TSNAX: variants seen among roughly 807,000 people sequenced by gnomAD.
TSNAX encodes translin-associated protein X.
Under a neutral mutation model 33.0 loss-of-function variants are expected in TSNAX, and 12 were observed. The observed-to-expected ratio is 0.36, with a 90% CI of 0.23 to 0.59. TSNAX has a LOEUF of 0.59. TSNAX is among the 20% of genes least tolerant of loss of function. The pLI is 0.74. For missense variants in TSNAX, 267 were observed against 341.3 expected (o/e 0.78, Z 1.72); for synonymous variants, 110 against 117.2 (o/e 0.94, Z 0.40).
At chr1:231,532,175 C>CAT (rs1375732763) in intron 2 of TSNAX, among the ~76,000 whole-genome samples, 3 of 93,360 alleles carry the variant, frequency 3.2e-5, no homozygotes, top group African/African-American at 1.1e-4. Flanking sequence ...CACACACACA[C>CAT]ACACACACAC....
intron 4 of TSNAX, among the ~76,000 whole-genome samples, chr1:231,558,015 C>T (rs756647451): frequency 4.6e-5 from 7 of 152,088 alleles, no homozygotes; most frequent in Non-Finnish European, 1.0e-4. Flanking sequence ...ACCCCTAGGG[C>T]GGAGGCAGAG....
intron 3 of TSNAX, among the ~76,000 whole-genome samples, chr1:231,541,548 A>G (rs4614245): frequency 6.6e-6 from 1 of 152,118 alleles, no homozygotes; most frequent in Non-Finnish European, 1.5e-5. Context: ...TGTTTCCACA[A>G]TATGTTATGA....
Position 231,544,149 on chromosome 1 carries a change from G to A in TSNAX, c.367+1538G>A, listed in dbSNP as rs561128947. ...ATCTTGAGGGCTACTGGGTGGTAGT[G>A]TTGGTGGTGGTGGGGGACCAAGTTA... On this transcript the variant is annotated intron_variant, in intron 4 of 5. Transcript: ENST00000366639. Among the ~76,000 whole-genome samples the A allele has an allele frequency of 8.5e-5, 13 of 152,316 alleles. No individual in the cohort carries two copies. In the East Asian group the frequency reaches 2.5e-3, roughly 29 times the overall value.
chr1:231,529,788 C>T (rs1001041130), intron 2 of TSNAX, among the ~76,000 whole-genome samples: 3 of 152,202 alleles, frequency 2.0e-5, no homozygotes, highest in Non-Finnish European at 4.4e-5. Flanking sequence ...GTGAATCTCG[C>T]ATATCTATAT....
intron 4 of TSNAX, among the ~76,000 whole-genome samples, chr1:231,552,033 C>G (rs975726134): frequency 1.3e-5 from 2 of 151,888 alleles, no homozygotes; most frequent in Non-Finnish European, 2.9e-5. Flanking sequence ...CGGTGGCTTA[C>G]GCCTGTAATC....
intron 2 of TSNAX, among the ~76,000 whole-genome samples, chr1:231,531,354 ATATT>A (rs1336733200): frequency 3.3e-5 from 5 of 152,188 alleles, no homozygotes; most frequent in Non-Finnish European, 1.5e-5. Context: ...CCAACATGAA[ATATT>A]TATTGAGTAT....
chr1:231,552,050 C>T (rs1660339017), intron 4 of TSNAX, among the ~76,000 whole-genome samples: 1 of 152,102 alleles, frequency 6.6e-6, no homozygotes, highest in Admixed American at 6.6e-5. Context: ...AATCTCAGCA[C>T]TTTGGGAGGC....
In TSNAX at chr1:231,532,556, A is replaced by G. The variant is rs185453072; in HGVS notation, c.121+3197A>G. ...GGAAAAGCAGGAAGACAACAGGGAAAAAAATTTTAATAAACTTGAAAAAAA... is the reference window on the plus strand; with the variant it reads ...GGAAAAGCAGGAAGACAACAGGGAAGAAAATTTTAATAAACTTGAAAAAAA... On this transcript the variant is annotated intron_variant, in intron 2 of 5. Transcript: ENST00000366639. Among the ~76,000 whole-genome samples the G allele has an allele frequency of 1.1e-4, 16 of 152,250 alleles. No individual in the cohort carries two copies. The East Asian group carries it at 2.9e-3, about 28-fold the overall frequency.
chr1:231,559,856 A>G (rs1201863271), intron 4 of TSNAX, among the ~76,000 whole-genome samples: 1 of 151,688 alleles, frequency 6.6e-6, no homozygotes, highest in Non-Finnish European at 1.5e-5. Context: ...GAAAGGAGTT[A>G]TCTAGTCTTA....
chr1:231,547,841 CTTTTTTTTTTT>C (rs35520639), intron 4 of TSNAX, among the ~76,000 whole-genome samples: 1 of 123,914 alleles, frequency 8.1e-6, no homozygotes, highest in Non-Finnish European at 1.7e-5. Context: ...CCATTGCTTT[CTTTTTTTTTTT>C]TTTTTTTTGA....
chr1:231,562,939 C>T (rs753115683), intron 5 of TSNAX, among the ~76,000 whole-genome samples: 2 of 152,106 alleles, frequency 1.3e-5, no homozygotes, highest in Non-Finnish European at 2.9e-5. Flanking sequence ...CATAGCTCAA[C>T]GTCATATTAC....
At position 231,549,455 on chromosome 1, in the gene TSNAX, T is replaced by A. The variant is rs187439459; in HGVS notation, c.367+6844T>A. Reference sequence around the variant, plus strand: ...CCAAAAATAAAAATAAAAGAATGAATGTGAGTGTAATGGGGATGGGAACTT... The same window carrying A: ...CCAAAAATAAAAATAAAAGAATGAAAGTGAGTGTAATGGGGATGGGAACTT... On this transcript the variant is annotated intron_variant, in intron 4 of 5. Transcript: ENST00000366639. Among the ~76,000 whole-genome samples, 393 of 152,146 alleles carry A rather than the reference T, an allele frequency of 2.6e-3. 2 individuals carry two copies. Among genetic ancestry groups the A allele is most frequent in the Middle Eastern group, 3.4e-3 (1 of 294 alleles).
At chr1:231,553,263 C>T (rs897589100) in intron 4 of TSNAX, among the ~76,000 whole-genome samples, 1 of 152,102 alleles carries the variant, frequency 6.6e-6, no homozygotes, top group Non-Finnish European at 1.5e-5. Context: ...GAGATTTGGA[C>T]TGGATGTATA....
In TSNAX at chr1:231,549,670, C is replaced by T. The variant is rs942173005; in HGVS notation, c.367+7059C>T. Among the ~76,000 whole-genome samples, 10 of 152,294 alleles carry T rather than the reference C, an allele frequency of 6.6e-5. No homozygotes were observed. In the South Asian group the frequency reaches 2.1e-3, roughly 32 times the overall value. On this transcript the variant is annotated intron_variant, in intron 4 of 5. Transcript: ENST00000366639. The stretch of plus-strand genomic sequence containing the variant: ...GTAGGAAAAGATAAGCAGCCTGCTG[C>T]ATTATTGTGGCCATGTTTGTTGTTA...
intron 2 of TSNAX, among the ~76,000 whole-genome samples, chr1:231,533,645 AGACTT>A (rs2124880748): frequency 6.6e-6 from 1 of 152,364 alleles, no homozygotes; most frequent in East Asian, 1.9e-4. Context: ...AAAAACTAGA[AGACTT>A]AATGCAGTTG....
At chr1:231,561,025 GC>G in intron 4 of TSNAX, 102 bp from the exon 5 acceptor site, 2 of 1,179,988 alleles carry the variant, frequency 1.7e-6, no homozygotes, top group Non-Finnish European at 2.4e-6. Flanking sequence ...CATCCATTAA[GC>G]TTTTTTTTGA....
At position 231,559,618 on chromosome 1, in the gene TSNAX, G is replaced by A. The variant is rs958334704; in HGVS notation, c.368-1510G>A. On this transcript the variant is annotated intron_variant, in intron 4 of 5. Transcript: ENST00000366639. Reference sequence around the variant, plus strand: ...GCTGGGATTACAGGTGTGAGCCACCGGCGCCCGGCCAGAAAGTAGTTGTTT... The same window carrying A: ...GCTGGGATTACAGGTGTGAGCCACCAGCGCCCGGCCAGAAAGTAGTTGTTT... 3.9e-5 allele frequency among the ~76,000 whole-genome samples: 6 copies of A among 152,122 alleles called. 1 individual carries two copies. Among genetic ancestry groups the A allele is most frequent in the African/African-American group, 1.4e-4 (6 of 41,416 alleles).
intron 4 of TSNAX, among the ~76,000 whole-genome samples, chr1:231,547,189 T>G (rs1018899820): frequency 2.6e-5 from 4 of 152,148 alleles, no homozygotes; most frequent in Non-Finnish European, 5.9e-5. Context: ...TGTTTGAAAG[T>G]GATTTTATAA....
intron 2 of TSNAX, among the ~76,000 whole-genome samples, chr1:231,531,120 A>G: frequency 1.3e-5 from 2 of 151,902 alleles, no homozygotes; most frequent in Middle Eastern, 6.8e-3. Flanking sequence ...CACCATGCCT[A>G]ATTTTTTTAA....
Sources: gnomAD v4.1 joint callset for allele counts (sites outside exome capture counted in the v4.1 genomes callset) on GRCh38, gnomAD v4.1.1 for gene constraint, MANE v1.5 for transcripts, NCBI Gene and HGNC (gene_info 2026-07-23, HGNC 2026-07-21) for gene names.